Variants in CYP4F22 observed in about 807,000 individuals in gnomAD.
CYP4F22 encodes ultra-long-chain fatty acid omega-hydroxylase.
Under a neutral mutation model 60.4 loss-of-function variants are expected in CYP4F22, and 37 were observed. That is an observed-to-expected ratio of 0.61 (90% confidence interval 0.47 to 0.81). CYP4F22 has a LOEUF of 0.81. Among genes scored for constraint, CYP4F22 ranks in the 30% least tolerant of loss-of-function variants. The pLI, the probability that CYP4F22 is intolerant of heterozygous loss-of-function variation, is 0.00. For synonymous variants in CYP4F22, 258 were observed against 280.5 expected, an observed-to-expected ratio of 0.92 and a Z score of 0.80; for missense variants, 655 against 715.0, an observed-to-expected ratio of 0.92 and a Z score of 0.96.
chr19:15,544,271 G>A lies in CYP4F22; in HGVS notation c.1128G>A (p.Glu376=). 6.2e-7 allele frequency: 1 copy of A among 1,613,840 alleles called. No individual in the cohort carries two copies. Among genetic ancestry groups the A allele is most frequent in the South Asian group, 1.1e-5 (1 of 91,074 alleles). The part of the protein sequence containing the change: ...QEVMKGRELE[E]LEWDDLTQLP... Reference sequence around the variant, plus strand: ...TCATGAAAGGCCGGGAGCTGGAGGAGCTGGAGTGGTGAGTGTGGGGTCAGG... The same window carrying A: ...TCATGAAAGGCCGGGAGCTGGAGGAACTGGAGTGGTGAGTGTGGGGTCAGG... Residue 376 remains glutamate, a synonymous_variant, in exon 10 of 14, where the codon GAG becomes GAA. Transcript: ENST00000269703.
intron 8 of CYP4F22, among the ~76,000 whole-genome samples, chr19:15,541,108 TCAAAA>T: frequency 6.6e-6 from 1 of 152,238 alleles, no homozygotes; most frequent in Non-Finnish European, 1.5e-5. Flanking sequence ...ATACACATGC[TCAAAA>T]CAAAAAGAAA....
At position 15,551,627 on chromosome 19, in the gene CYP4F22, T is replaced by A; in HGVS notation, c.*156T>A. 1.1e-6 allele frequency: 1 copy of A among 936,478 alleles called. No homozygotes were observed. Among genetic ancestry groups the A allele is most frequent in the Non-Finnish European group, 1.6e-6 (1 of 639,398 alleles). 58.0% of individuals were successfully genotyped at this position (936,478 alleles called of 1,614,324 possible). A position where few individuals can be genotyped will look rare whatever the true frequency, so the allele number is the denominator to read the frequency against. On this transcript the variant is annotated 3_prime_UTR_variant, in exon 14 of 14. Coordinates refer to ENST00000269703, the MANE Select transcript of CYP4F22 (RefSeq NM_173483.4). ...CCGCTGTTGAGCAGCCTGGTGGTAC[T>A]GGCCACGCCCCTCAAGGCAAGGCTC...
At chr19:15,520,317 G>T (rs1971207034) in intron 1 of CYP4F22, among the ~76,000 whole-genome samples, 1 of 143,596 alleles carries the variant, frequency 7.0e-6, no homozygotes, top group Non-Finnish European at 1.5e-5. Context: ...CTGTACTCCA[G>T]CCTGGGCGAC....
At chr19:15,546,018 A>C (rs1160880368) in intron 10 of CYP4F22, among the ~76,000 whole-genome samples, 1 of 152,128 alleles carries the variant, frequency 6.6e-6, no homozygotes, top group Non-Finnish European at 1.5e-5. Context: ...TTTAAGACAC[A>C]GGCTGGAGTG....
rs1178024992 is a variant in CYP4F22, at chr19:15,542,730, A to C, written c.940-1241A>C. Among the ~76,000 whole-genome samples the C allele has an allele frequency of 4.9e-5, 4 of 82,204 alleles. No individual in the cohort carries two copies. The Admixed American group carries it at 5.8e-4, about 12-fold the overall frequency. The allele number at this position is 82,204 out of a possible 152,430, so 53.9% of individuals were successfully genotyped here. A position where few individuals can be genotyped will look rare whatever the true frequency, so the allele number is the denominator to read the frequency against. The stretch of plus-strand genomic sequence containing the variant: ...TCCTGCCACCCTGATAGGCCCCCCA[A>C]GTGTGTGTTGTTTCCCCCCTGTGTC... On this transcript the variant is annotated intron_variant, in intron 8 of 13. Transcript: ENST00000269703.
At chr19:15,549,228 G>C in intron 12 of CYP4F22, 26 bp downstream of exon 12, 1 of 1,613,444 alleles carries the variant, frequency 6.2e-7, no homozygotes, top group Non-Finnish European at 8.5e-7. Flanking sequence ...ACTCCTCCCT[G>C]CCCTCAGGTC....
intron 3 of CYP4F22, among the ~76,000 whole-genome samples, chr19:15,527,232 A>G (rs953358472): frequency 2.0e-5 from 3 of 151,870 alleles, no homozygotes; most frequent in Admixed American, 1.3e-4. Context: ...CTTGGATTCA[A>G]CCACATCCCT....
intron 10 of CYP4F22, 22 bp from the exon 11 acceptor site, chr19:15,548,086 G>T: frequency 6.4e-7 from 1 of 1,563,274 alleles, no homozygotes; most frequent in Non-Finnish European, 8.7e-7. Flanking sequence ...TCGGCCTCTA[G>T]TTATATCTCC....
intron 1 of CYP4F22, among the ~76,000 whole-genome samples, chr19:15,515,755 G>A (rs1971146670): frequency 6.6e-6 from 1 of 151,476 alleles, no homozygotes; most frequent in Admixed American, 6.6e-5. Context: ...ATGGAGTCTC[G>A]CCCTGTCACC....
In CYP4F22 at chr19:15,543,506, T is replaced by C. The variant is rs560244534; in HGVS notation, c.940-465T>C. On this transcript the variant is annotated intron_variant, in intron 8 of 13. Transcript: ENST00000269703. ...CATGCTGGGCACTTTCCATCTTTAT[T>C]AGACAAGTTGCATACTTCCATCTTC... is the stretch of plus-strand genomic sequence containing the variant. Among the ~76,000 whole-genome samples, 5 of 152,188 alleles carry C rather than the reference T, an allele frequency of 3.3e-5. No homozygotes were observed. In the South Asian group the frequency reaches 1.0e-3, roughly 32 times the overall value.
rs371945146 is a variant in CYP4F22 at position 15,525,527 on chromosome 19, G to A, written c.191G>A (p.Arg64Gln). The A allele has an allele frequency of 2.0e-5, 32 of 1,611,046 alleles. No individual in the cohort carries two copies. The highest frequency in any genetic ancestry group is 1.7e-4 in the Middle Eastern group (1 of 6,014). ...RRLRCFPQPP[R>Q]RNWLLGHLGM... ...CTGCGCTGCTTCCCCCAGCCTCCCC[G>A]GCGCAACTGGCTGCTGGGCCACCTG... The change falls in exon 3 of 14, where the codon CGG becomes CAG. Residue 64 changes from arginine (R) to glutamine (Q), a missense_variant. Physicochemically the swap from Arg to Gln is conservative, Grantham distance 43. Coordinates refer to ENST00000269703, the MANE Select transcript of CYP4F22 (RefSeq NM_173483.4).
chr19:15,525,217 C>T (rs1367109036), intron 2 of CYP4F22, 119 bp from the exon 3 acceptor site: 9 of 941,900 alleles, frequency 9.6e-6, no homozygotes, highest in Non-Finnish European at 1.5e-5. Flanking sequence ...GAAGAGGTAT[C>T]CTTGGTGTCT....
At chr19:15,547,262 C>T (rs984233201) in intron 10 of CYP4F22, among the ~76,000 whole-genome samples, 7 of 151,484 alleles carry the variant, frequency 4.6e-5, no homozygotes, top group Non-Finnish European at 7.4e-5. Context: ...TGACCTCAGA[C>T]GATCGCCCAT....
At chr19:15,538,080 C>G in intron 7 of CYP4F22, 87 bp downstream of exon 7, 1 of 1,581,308 alleles carries the variant, frequency 6.3e-7, no homozygotes, top group East Asian at 2.2e-5. Context: ...AGGCATTAGA[C>G]AACTCTGGCC....
chr19:15,546,421 TA>T (rs979637114), intron 10 of CYP4F22, among the ~76,000 whole-genome samples: 1 of 152,126 alleles, frequency 6.6e-6, no homozygotes, highest in Non-Finnish European at 1.5e-5. Flanking sequence ...CTGTCTCTAC[TA>T]AAAATACAAA....
chr19:15,526,981 G>GA (rs1971290059), intron 3 of CYP4F22, among the ~76,000 whole-genome samples: 2 of 151,914 alleles, frequency 1.3e-5, no homozygotes, highest in South Asian at 4.1e-4. Context: ...TCAAACCCCT[G>GA]ACCTCAAGTG....
intron 13 of CYP4F22, 25 bp from the exon 14 acceptor site, chr19:15,551,269 T>C: frequency 1.9e-6 from 3 of 1,604,674 alleles, no homozygotes; most frequent in Non-Finnish European, 2.6e-6. Context: ...AAGCTGGGCC[T>C]GAGCCCTGTC....
intron 1 of CYP4F22, among the ~76,000 whole-genome samples, chr19:15,516,279 C>A (rs2144499680): frequency 6.6e-6 from 1 of 152,298 alleles, no homozygotes; most frequent in East Asian, 1.9e-4. Context: ...CAGCCCATGC[C>A]CTTTCCTTAT....
chr19:15,523,027 G>A (rs1971242725), intron 1 of CYP4F22, among the ~76,000 whole-genome samples: 1 of 151,718 alleles, frequency 6.6e-6, no homozygotes, highest in African/African-American at 2.4e-5. Flanking sequence ...TTTCACTTCT[G>A]CATGGAAAAT....
Sources: gnomAD v4.1 joint callset for allele counts (sites outside exome capture counted in the v4.1 genomes callset) on GRCh38, gnomAD v4.1.1 for gene constraint, MANE v1.5 for transcripts, NCBI Gene and HGNC (gene_info 2026-07-23, HGNC 2026-07-21) for gene names.